CEP63: variants seen among roughly 807,000 people sequenced by gnomAD.
CEP63 encodes the protein centrosomal protein 63, also known as centrosomal protein of 63 kDa.
Under a neutral mutation model 89.1 loss-of-function variants are expected in CEP63, and 84 were observed. The observed-to-expected ratio is 0.94, with a 90% CI of 0.79 to 1.13. The LOEUF is 1.13. Ranked by LOEUF, CEP63 falls within the 50% of genes most tolerant of loss-of-function variation. CEP63 has a pLI of 0.00. For synonymous variants in CEP63, 267 were observed against 272.5 expected (o/e 0.98, Z 0.20); for missense variants, 838 against 813.3 (o/e 1.03, Z -0.37).
At chr3:134,632,258 A>G in the CEP63 span, among the ~76,000 whole-genome samples, 1 of 152,124 alleles carries the variant, frequency 6.6e-6, no homozygotes, top group South Asian at 2.1e-4. Context: ...TACACAATGA[A>G]TAAAATTTAT....
At chr3:134,589,915 C>T (rs1366895589), downstream of CEP63, among the ~76,000 whole-genome samples, 1 of 152,026 alleles carries the variant, frequency 6.6e-6, no homozygotes, top group Non-Finnish European at 1.5e-5. Context: ...TACTATGAAG[C>T]CATAAAAAAG....
At chr3:134,555,357 T>C (rs1431325423) in intron 12 of CEP63, among the ~76,000 whole-genome samples, 1 of 152,006 alleles carries the variant, frequency 6.6e-6, no homozygotes, top group Non-Finnish European at 1.5e-5. Flanking sequence ...ACGACATGAT[T>C]GTATATCTAG....
At chr3:134,685,586 G>A in the CEP63 span, among the ~76,000 whole-genome samples, 118 of 152,168 alleles carry the variant, frequency 7.8e-4, no homozygotes, top group Middle Eastern at 3.4e-3. Flanking sequence ...CTGGTTTGGG[G>A]ACAGAAGAGC....
At position 134,561,372 on chromosome 3, in the gene CEP63, TC is replaced by T; in HGVS notation, c.1954-3del. On this transcript the variant is annotated splice_polypyrimidine_tract_variant and splice_region_variant and intron_variant, in intron 14 of 14. Transcript: ENST00000675561. ...TACACATGTCAAAATTTGTGTCTCT[TC>T]CAGTGTTCCTTGCCTGTATCTCCCC... 1 of 1,613,300 alleles carries T rather than the reference TC, an allele frequency of 6.2e-7. No homozygotes were observed. The highest frequency in any genetic ancestry group is 8.5e-7 in the Non-Finnish European group (1 of 1,179,290).
the CEP63 span, among the ~76,000 whole-genome samples, chr3:134,714,450 G>C: frequency 6.6e-6 from 1 of 152,074 alleles, no homozygotes; most frequent in Non-Finnish European, 1.5e-5. Flanking sequence ...GGTGCTTTTT[G>C]AATGTGCTCC....
At chr3:134,756,044 T>C in the CEP63 span, among the ~76,000 whole-genome samples, 2 of 152,326 alleles carry the variant, frequency 1.3e-5, no homozygotes, top group Admixed American at 6.5e-5. Flanking sequence ...GCAGGTTGTA[T>C]AGAGGAGCTT....
chr3:134,545,820 G>C lies in CEP63; in HGVS notation c.789+1G>C. Reference sequence around the variant, plus strand: ...GAGGGAATCTGAAAAACTATTAGAGGTATGTTTTAAAATCACTATAATTGG... The same window carrying C: ...GAGGGAATCTGAAAAACTATTAGAGCTATGTTTTAAAATCACTATAATTGG... On this transcript the variant is annotated splice_donor_variant, in intron 7 of 14. Coordinates refer to ENST00000675561, the MANE Select transcript of CEP63 (RefSeq NM_001353108.3). LOFTEE classifies it high-confidence loss of function. 1.2e-6 allele frequency: 2 copies of C among 1,602,776 alleles called. No individual in the cohort carries two copies. The highest frequency in any genetic ancestry group is 1.7e-6 in the Non-Finnish European group (2 of 1,170,996).
chr3:134,548,413 C>T (rs1954062580), intron 9 of CEP63, among the ~76,000 whole-genome samples: 1 of 152,182 alleles, frequency 6.6e-6, no homozygotes, highest in Admixed American at 6.5e-5. Flanking sequence ...TAATGCTATA[C>T]CATACCCACC....
At chr3:134,560,563 C>T (rs1365826022) in intron 14 of CEP63, among the ~76,000 whole-genome samples, 2 of 151,832 alleles carry the variant, frequency 1.3e-5, no homozygotes, top group Admixed American at 1.3e-4. Flanking sequence ...AGCTCAGCTC[C>T]ATGCCAGCTG....
At chr3:134,685,453 A>G in the CEP63 span, among the ~76,000 whole-genome samples, 1 of 152,182 alleles carries the variant, frequency 6.6e-6, no homozygotes. Context: ...CTTTTGTTCT[A>G]GAGTCTGGGC....
At chr3:134,643,186 A>G in the CEP63 span, 2 of 762,314 alleles carry the variant, frequency 2.6e-6, no homozygotes, top group South Asian at 1.8e-5. Flanking sequence ...GGGTTTTCCA[A>G]CACCCATGGG....
chr3:134,595,557 T>A, the CEP63 span, among the ~76,000 whole-genome samples: 1 of 152,050 alleles, frequency 6.6e-6, no homozygotes, highest in Non-Finnish European at 1.5e-5. Flanking sequence ...CACTAGCTAG[T>A]CATGACACTC....
chr3:134,750,681 A>G, the CEP63 span, among the ~76,000 whole-genome samples: 1 of 152,170 alleles, frequency 6.6e-6, no homozygotes, highest in Non-Finnish European at 1.5e-5. Flanking sequence ...GGGGCTTCCT[A>G]CAAGCCATGT....
At chr3:134,613,566 T>G in the CEP63 span, among the ~76,000 whole-genome samples, 2 of 152,188 alleles carry the variant, frequency 1.3e-5, no homozygotes, top group East Asian at 3.9e-4. Flanking sequence ...GAGAGAAATG[T>G]TGGCATTAAA....
chr3:134,738,479 G>C, the CEP63 span, among the ~76,000 whole-genome samples: 15 of 152,166 alleles, frequency 9.9e-5, no homozygotes, highest in African/African-American at 3.4e-4. Context: ...TCTCCACACT[G>C]TTTTCCATAG....
intron 12 of CEP63, among the ~76,000 whole-genome samples, chr3:134,556,999 C>T (rs1231680032): frequency 2.0e-5 from 3 of 152,106 alleles, no homozygotes; most frequent in Non-Finnish European, 4.4e-5. Flanking sequence ...ATATGTTGTA[C>T]ATATTATGAA....
chr3:134,504,910 T>C (rs889355418), intron 2 of CEP63, among the ~76,000 whole-genome samples: 1 of 152,304 alleles, frequency 6.6e-6, no homozygotes, highest in East Asian at 1.9e-4. Flanking sequence ...TGAAACTCAA[T>C]TGCATTTTTA....
intron 2 of CEP63, among the ~76,000 whole-genome samples, chr3:134,506,496 C>T (rs1943480270): frequency 6.6e-6 from 1 of 152,182 alleles, no homozygotes; most frequent in South Asian, 2.1e-4. Context: ...GCTGTAGCAG[C>T]CTGGCTCCAC....
chr3:134,736,104 T>C, the CEP63 span, among the ~76,000 whole-genome samples: 1 of 152,130 alleles, frequency 6.6e-6, no homozygotes, highest in Non-Finnish European at 1.5e-5. Context: ...TGACTGGCAA[T>C]GTTCTAAAAT....
Sources: allele counts gnomAD v4.1 joint callset (sites outside exome capture counted in the v4.1 genomes callset), GRCh38; gene constraint gnomAD v4.1.1; transcripts MANE v1.5; gene names NCBI Gene and HGNC (gene_info 2026-07-23, HGNC 2026-07-21).